PPFIA1: variants seen among roughly 807,000 people sequenced by gnomAD.
PPFIA1 encodes the protein PPFI scaffold protein A1.
PPFIA1 carries 25 observed loss-of-function variants against 149.9 expected under a neutral mutation model. That is an observed-to-expected ratio of 0.17 (90% CI 0.12 to 0.23). The LOEUF (loss-of-function observed/expected upper bound fraction) is 0.23, where lower values mean the gene tolerates loss of function less well. PPFIA1 is among the 10% of genes least tolerant of loss of function. The pLI, the probability that PPFIA1 is intolerant of heterozygous loss-of-function variation, is 1.00. For synonymous variants in PPFIA1, 549 were observed against 552.8 expected, an observed-to-expected ratio of 0.99 and a Z score of 0.10; for missense variants, 1,362 against 1,506.5, an observed-to-expected ratio of 0.90 and a Z score of 1.59.
chr11:70,279,110 G>A (rs1014686702), intron 2 of PPFIA1: 9 of 539,890 alleles, frequency 1.7e-5, no homozygotes, highest in Admixed American at 2.6e-5. Flanking sequence ...GTACCTCTGC[G>A]GTGAGGTACT....
At chr11:70,295,343 A>C (rs1430299155) in intron 2 of PPFIA1, among the ~76,000 whole-genome samples, 4 of 78,056 alleles carry the variant, frequency 5.1e-5, no homozygotes, top group Non-Finnish European at 7.9e-5. Flanking sequence ...GACCCCCCCC[A>C]CCTCCCTCCC....
chr11:70,286,376 C>T (rs1354750806), intron 2 of PPFIA1, among the ~76,000 whole-genome samples: 1 of 152,144 alleles, frequency 6.6e-6, no homozygotes, highest in Non-Finnish European at 1.5e-5. Context: ...CTCAGCGTCC[C>T]AAGTAGCTGG....
chr11:70,349,282 A>G (rs112519575), intron 16 of PPFIA1, among the ~76,000 whole-genome samples: 61 of 152,230 alleles, frequency 4.0e-4, no homozygotes, highest in African/African-American at 5.8e-4. Context: ...TGGAAATGCA[A>G]TGACCTTCTG....
chr11:70,325,171 T>G, intron 4 of PPFIA1, 160 bp downstream of exon 4: 1 of 633,732 alleles, frequency 1.6e-6, no homozygotes, highest in East Asian at 3.1e-5. Context: ...ACTAATTGGC[T>G]TAAATGTCTT....
At chr11:70,299,046 C>G (rs1476585586) in intron 2 of PPFIA1, among the ~76,000 whole-genome samples, 1 of 152,062 alleles carries the variant, frequency 6.6e-6, no homozygotes, top group Non-Finnish European at 1.5e-5. Flanking sequence ...TGAGACCAGC[C>G]TGGGCAACAT....
chr11:70,306,866 C>T (rs2052889578), intron 2 of PPFIA1, among the ~76,000 whole-genome samples: 1 of 152,200 alleles, frequency 6.6e-6, no homozygotes, highest in African/African-American at 2.4e-5. Flanking sequence ...AAAAAAACCC[C>T]TGAGCCTTCT....
intron 2 of PPFIA1, among the ~76,000 whole-genome samples, chr11:70,312,802 C>T (rs2053373056): frequency 6.6e-6 from 1 of 152,176 alleles, no homozygotes; most frequent in Non-Finnish European, 1.5e-5. Flanking sequence ...CCCTGGGTGC[C>T]CAGCACTTTG....
At chr11:70,357,651 A>G (rs1022381855) in intron 19 of PPFIA1, among the ~76,000 whole-genome samples, 2 of 151,464 alleles carry the variant, frequency 1.3e-5, no homozygotes, top group African/African-American at 2.4e-5. Context: ...CAGTGGCGCA[A>G]TCTCAGTTCA....
Position 70,346,978 on chromosome 11 carries a change from G to A in PPFIA1, c.1932-1211G>A, listed in dbSNP as rs528817150. The stretch of plus-strand genomic sequence containing the variant: ...CGTTAATCTTGAATTCCAAATTAAT[G>A]TAGCATGGTTGGCATGAATCCAGAA... On this transcript the variant is annotated intron_variant, in intron 15 of 27. Coordinates refer to ENST00000253925, the MANE Select transcript of PPFIA1 (RefSeq NM_003626.5). Among the ~76,000 whole-genome samples the A allele has an allele frequency of 6.6e-5, 10 of 152,304 alleles. No homozygotes were observed. The South Asian group carries it at 2.1e-3, about 32-fold the overall frequency.
Position 70,354,444 on chromosome 11 carries a change from C to A in PPFIA1, c.2307C>A (p.Asp769Glu), listed in dbSNP as rs762892289. Residue 769 changes from aspartate (D) to glutamate (E), a missense_variant, in exon 17 of 28, where the codon GAC becomes GAA. Coordinates refer to ENST00000253925, the MANE Select transcript of PPFIA1 (RefSeq NM_003626.5). ...CCGTCAGCCACGAGGACATCAGGGA[C>A]ATAAGGAAGTAAGGAGCCTGCAGCA... ...LHTVSHEDIRDIRNSTGSQDG... is the reference protein window; with the variant it reads ...LHTVSHEDIREIRNSTGSQDG... 6 of 1,613,106 alleles carry A rather than the reference C, an allele frequency of 3.7e-6. No homozygotes were observed. The highest frequency in any genetic ancestry group is 5.1e-6 in the Non-Finnish European group (6 of 1,179,756).
intron 2 of PPFIA1, among the ~76,000 whole-genome samples, chr11:70,310,414 T>C (rs893322207): frequency 3.4e-5 from 5 of 145,910 alleles, no homozygotes; most frequent in African/African-American, 1.3e-4. Context: ...TGAGACGGAG[T>C]CTTGCTCTGT....
At chr11:70,296,237 A>T (rs1292041204) in intron 2 of PPFIA1, among the ~76,000 whole-genome samples, 1 of 146,942 alleles carries the variant, frequency 6.8e-6, no homozygotes, top group African/African-American at 2.5e-5. Context: ...ATCCCAGACG[A>T]TGGGCGGCCA....
Position 70,272,311 on chromosome 11 carries a change from A to G in PPFIA1, c.139A>G (p.Arg47Gly). 2.5e-6 allele frequency: 4 copies of G among 1,614,238 alleles called. No individual in the cohort carries two copies. The highest frequency in any genetic ancestry group is 3.4e-6 in the Non-Finnish European group (4 of 1,180,046). ...EQLMVSMLEE[R>G]DRLLDTLRET... ...GTTGATGGTCTCCATGCTAGAAGAA[A>G]GGGACCGCCTTCTTGATACACTGAG... is the stretch of plus-strand genomic sequence containing the variant. The change falls in exon 2 of 28, where the codon AGG becomes GGG. Residue 47 changes from arginine to glycine, a missense_variant. Arg to Gly is a moderately radical substitution (Grantham distance 125). This residue lies in a region of PPFIA1 where 100 missense variants were observed against 106.2 expected (regional missense o/e 0.94). Coordinates refer to ENST00000253925, the MANE Select transcript of PPFIA1 (RefSeq NM_003626.5).
chr11:70,335,833 T>C, intron 11 of PPFIA1, 139 bp downstream of exon 11: 1 of 936,752 alleles, frequency 1.1e-6, no homozygotes, highest in Non-Finnish European at 1.6e-6. Flanking sequence ...GTGGAAAAGG[T>C]ATGCACAGTT....
At chr11:70,300,343 T>C (rs1313924358) in intron 2 of PPFIA1, among the ~76,000 whole-genome samples, 5 of 152,172 alleles carry the variant, frequency 3.3e-5, no homozygotes, top group Non-Finnish European at 7.3e-5. Context: ...ATTCCTTTTA[T>C]GTTTACTCAA....
At chr11:70,379,395 G>A (rs1483718985) in intron 26 of PPFIA1, among the ~76,000 whole-genome samples, 1 of 151,796 alleles carries the variant, frequency 6.6e-6, no homozygotes, top group East Asian at 1.9e-4. Flanking sequence ...GAGGCAGAGG[G>A]TGCAGTGAGC....
chr11:70,301,625 A>G (rs1385909693), intron 2 of PPFIA1, among the ~76,000 whole-genome samples: 3 of 152,194 alleles, frequency 2.0e-5, no homozygotes, highest in African/African-American at 7.2e-5. Context: ...AGCACCTTAG[A>G]AATATTTTTT....
chr11:70,353,642 A>T (rs1215634110), intron 16 of PPFIA1, among the ~76,000 whole-genome samples: 1 of 152,244 alleles, frequency 6.6e-6, no homozygotes, highest in Admixed American at 6.5e-5. Flanking sequence ...TCTTGTAATG[A>T]TAAGCCTAGA....
At chr11:70,295,371 G>A (rs1440004126) in intron 2 of PPFIA1, among the ~76,000 whole-genome samples, 1 of 144,516 alleles carries the variant, frequency 6.9e-6, no homozygotes, top group East Asian at 2.2e-4. Context: ...GCGGCTGGCC[G>A]GGCGGGGGGC....
Sources: allele counts gnomAD v4.1 joint callset (sites outside exome capture counted in the v4.1 genomes callset), GRCh38; gene constraint gnomAD v4.1.1; regional missense constraint gnomAD v4.1.1; transcripts MANE v1.5; gene names NCBI Gene and HGNC (gene_info 2026-07-23, HGNC 2026-07-21).